Variants in VPS13B observed in about 807,000 individuals in gnomAD.
VPS13B encodes the protein vacuolar protein sorting 13 homolog B.
VPS13B carries 285 observed loss-of-function variants against 426.4 expected under a neutral mutation model. That is an observed-to-expected ratio of 0.67 (90% CI 0.61 to 0.74). The LOEUF is 0.74. Ranked by LOEUF, VPS13B falls within the 30% of genes least tolerant of loss-of-function variation. VPS13B has a pLI of 0.00. For synonymous variants in VPS13B, 1,676 were observed against 1,676.4 expected (o/e 1.00, Z 0.01); for missense variants, 4,537 against 4,782.6 (o/e 0.95, Z 1.51).
intron 33 of VPS13B, among the ~76,000 whole-genome samples, chr8:99,602,351 G>C (rs558275289): frequency 6.6e-6 from 1 of 152,114 alleles, no homozygotes; most frequent in Non-Finnish European, 1.5e-5. Context: ...TGTTCCATTG[G>C]TCTATATATC....
chr8:99,834,977 C>T (rs766001228), intron 52 of VPS13B, among the ~76,000 whole-genome samples: 4 of 152,170 alleles, frequency 2.6e-5, no homozygotes, highest in Non-Finnish European at 4.4e-5. Context: ...CTATAGTTCT[C>T]TCTGGGTGAT....
At chr8:99,214,112 G>C (rs1319190131) in intron 17 of VPS13B, among the ~76,000 whole-genome samples, 1 of 152,088 alleles carries the variant, frequency 6.6e-6, no homozygotes, top group Admixed American at 6.6e-5. Flanking sequence ...CTGACCACTT[G>C]TCTCAACTTT....
chr8:99,828,907 G>C (rs147337503), intron 51 of VPS13B, among the ~76,000 whole-genome samples: 18 of 152,260 alleles, frequency 1.2e-4, no homozygotes, highest in African/African-American at 4.3e-4. Context: ...TTTTCTTTGA[G>C]AATGTTGAAT....
intron 31 of VPS13B, among the ~76,000 whole-genome samples, chr8:99,560,832 T>C (rs1448582481): frequency 6.6e-6 from 1 of 152,206 alleles, no homozygotes. Context: ...AGTTTTCAGA[T>C]TTAGGAGGTG....
intron 21 of VPS13B, among the ~76,000 whole-genome samples, chr8:99,404,452 C>T (rs565969380): frequency 2.6e-5 from 4 of 152,256 alleles, no homozygotes; most frequent in East Asian, 1.9e-4. Context: ...TGCCATGTCA[C>T]GCTGACTTGC....
chr8:99,297,751 G>A (rs767278772), intron 19 of VPS13B, among the ~76,000 whole-genome samples: 5 of 152,144 alleles, frequency 3.3e-5, no homozygotes, highest in Admixed American at 2.0e-4. Context: ...AATTGTACAC[G>A]TATGATTTTG....
chr8:99,129,168 CATT>C (rs1205931070), intron 8 of VPS13B, among the ~76,000 whole-genome samples: 3 of 151,938 alleles, frequency 2.0e-5, no homozygotes, highest in African/African-American at 7.2e-5. Flanking sequence ...ATTTTAACAT[CATT>C]ATTCTCAGTT....
Position 99,825,361 on chromosome 8 carries a change from G to A in VPS13B, c.9330+1383G>A, listed in dbSNP as rs560143275. On this transcript the variant is annotated intron_variant, in intron 51 of 61. Coordinates refer to ENST00000357162, the MANE Select transcript of VPS13B (RefSeq NM_152564.5). ...GTTTTTTTTCAGGTTTTTTGACCACGTAAATGTCTTCTTTTGAGAAGTGTC... is the reference window on the plus strand; with the variant it reads ...GTTTTTTTTCAGGTTTTTTGACCACATAAATGTCTTCTTTTGAGAAGTGTC... Among the ~76,000 whole-genome samples the A allele has an allele frequency of 1.2e-4, 18 of 151,978 alleles. 1 individual carries two copies. In the South Asian group the frequency reaches 1.7e-3, roughly 14 times the overall value.
Position 99,785,558 on chromosome 8 carries a change from G to A in VPS13B, c.7941+1082G>A, listed in dbSNP as rs4734440. 2.7e-3 allele frequency among the ~76,000 whole-genome samples: 404 copies of A among 152,148 alleles called. 8 individuals are homozygous for A. The highest frequency in any genetic ancestry group is 0.024 in the Admixed American group (373 of 15,276). On this transcript the variant is annotated intron_variant, in intron 43 of 61. Transcript: ENST00000357162. Reference sequence around the variant, plus strand: ...AAATTTTTTCACATGATATGGTATTGCATTCATATTTTTAGGGTAAATCAC... The same window carrying A: ...AAATTTTTTCACATGATATGGTATTACATTCATATTTTTAGGGTAAATCAC...
intron 17 of VPS13B, among the ~76,000 whole-genome samples, chr8:99,236,944 C>T (rs1356016245): frequency 7.2e-5 from 11 of 152,192 alleles, no homozygotes; most frequent in Non-Finnish European, 1.6e-4. Context: ...CTTGAATTCC[C>T]ACGTGTCGTG....
intron 3 of VPS13B, among the ~76,000 whole-genome samples, chr8:99,050,646 A>C (rs903124073): frequency 6.6e-6 from 1 of 152,202 alleles, no homozygotes; most frequent in African/African-American, 2.4e-5. Context: ...TTACAGTCCC[A>C]CCAACAGTGT....
intron 35 of VPS13B, among the ~76,000 whole-genome samples, chr8:99,679,931 G>T (rs903073237): frequency 6.6e-6 from 1 of 152,042 alleles, no homozygotes; most frequent in Non-Finnish European, 1.5e-5. Context: ...TAATACATAA[G>T]GTCAACCTTG....
intron 19 of VPS13B, among the ~76,000 whole-genome samples, chr8:99,287,630 T>C (rs1191903790): frequency 6.6e-6 from 1 of 151,976 alleles, no homozygotes; most frequent in African/African-American, 2.4e-5. Context: ...AAAACTTAGT[T>C]ATAGATAAAT....
At chr8:99,458,442 G>C (rs1818633613) in intron 23 of VPS13B, among the ~76,000 whole-genome samples, 1 of 152,120 alleles carries the variant, frequency 6.6e-6, no homozygotes, top group African/African-American at 2.4e-5. Flanking sequence ...CCAGTAATGG[G>C]ATGGCTGGGT....
intron 19 of VPS13B, among the ~76,000 whole-genome samples, chr8:99,318,015 A>G (rs763409583): frequency 2.6e-5 from 4 of 152,138 alleles, no homozygotes; most frequent in Non-Finnish European, 5.9e-5. Flanking sequence ...GCCTTTAGAA[A>G]GCTTTACTTT....
chr8:99,210,613 A>G (rs962833770), intron 17 of VPS13B, among the ~76,000 whole-genome samples: 2 of 152,062 alleles, frequency 1.3e-5, no homozygotes, highest in African/African-American at 4.8e-5. Context: ...ATATATATAT[A>G]TATATTTTTG....
chr8:99,306,210 C>A (rs1292356218), intron 19 of VPS13B, among the ~76,000 whole-genome samples: 1 of 151,814 alleles, frequency 6.6e-6, no homozygotes, highest in South Asian at 2.1e-4. Flanking sequence ...ACTATGTGGG[C>A]AGGATAAATA....
chr8:99,398,558 A>T (rs369074261), intron 21 of VPS13B, among the ~76,000 whole-genome samples: 1 of 152,184 alleles, frequency 6.6e-6, no homozygotes, highest in Non-Finnish European at 1.5e-5. Flanking sequence ...TTATATAGTC[A>T]CTTGGGGTAT....
Position 99,403,548 on chromosome 8 carries a change from CAA to C in VPS13B, c.3082+11862_3082+11863del, listed in dbSNP as rs200871879. Among the ~76,000 whole-genome samples, 903 of 91,528 alleles carry C rather than the reference CAA, an allele frequency of 9.9e-3. 7 individuals carry two copies. The highest frequency in any genetic ancestry group is 0.031 in the African/African-American group (779 of 25,242). The allele number at this position is 91,528 out of a possible 152,430, so 60.0% of individuals were successfully genotyped here. On this transcript the variant is annotated intron_variant, in intron 21 of 61. Transcript: ENST00000357162. ...TGGGTGACAGAGCAAGACTCTGTCT[CAA>C]AAAAAAAAAAAAAAAAATGTAATTG...
Sources: gnomAD v4.1 joint callset for allele counts (sites outside exome capture counted in the v4.1 genomes callset) on GRCh38, gnomAD v4.1.1 for gene constraint, MANE v1.5 for transcripts, NCBI Gene and HGNC (gene_info 2026-07-23, HGNC 2026-07-21) for gene names.